LRRC4C: variants seen among roughly 807,000 people sequenced by gnomAD.
LRRC4C encodes the protein leucine-rich repeat-containing protein 4C.
A neutral mutation model predicts 33.6 loss-of-function variants in LRRC4C; 5 were observed. That is an observed-to-expected ratio of 0.15 (90% confidence interval 0.08 to 0.31). The LOEUF (loss-of-function observed/expected upper bound fraction) is 0.31, where lower values mean the gene tolerates loss of function less well. Among genes scored for constraint, LRRC4C ranks in the 10% least tolerant of loss-of-function variants. The probability of loss-of-function intolerance (pLI) is 1.00; values close to 1 mark genes in which losing one functional copy is unlikely to be tolerated. For missense variants in LRRC4C, 560 were observed against 796.7 expected, an observed-to-expected ratio of 0.70 and a Z score of 3.58; for synonymous variants, 329 against 302.0, an observed-to-expected ratio of 1.09 and a Z score of -0.93.
In LRRC4C at chr11:40,391,731, A is replaced by C. The variant is rs568271508; in HGVS notation, c.-269-72010T>G. Among the ~76,000 whole-genome samples the C allele has an allele frequency of 2.0e-5, 3 of 152,312 alleles. No individual in the cohort carries two copies. In the East Asian group the frequency reaches 5.8e-4, roughly 29 times the overall value. On this transcript the variant is annotated intron_variant, in intron 3 of 6. Coordinates refer to ENST00000528697, the MANE Select transcript of LRRC4C (RefSeq NM_001258419.2). ...GTTGATAAGTATTGTATTCAAAGTGACAAAACCACACACTGCATATTAGCA... is the reference window on the plus strand; with the variant it reads ...GTTGATAAGTATTGTATTCAAAGTGCCAAAACCACACACTGCATATTAGCA...
chr11:40,613,482 G>A (rs1442991303), intron 3 of LRRC4C, among the ~76,000 whole-genome samples: 1 of 151,704 alleles, frequency 6.6e-6, no homozygotes, highest in East Asian at 1.9e-4. Flanking sequence ...TTCCAACTCT[G>A]GTTCTCCTGC....
chr11:40,315,595 A>G (rs1945536387), intron 4 of LRRC4C, among the ~76,000 whole-genome samples: 1 of 151,994 alleles, frequency 6.6e-6, no homozygotes, highest in Non-Finnish European at 1.5e-5. Context: ...GTGTTTCATT[A>G]TATCAATAAA....
intron 3 of LRRC4C, among the ~76,000 whole-genome samples, chr11:40,355,252 T>C (rs1481535961): frequency 6.6e-6 from 1 of 152,148 alleles, no homozygotes; most frequent in Non-Finnish European, 1.5e-5. Flanking sequence ...TGAAGAAGTC[T>C]TTCCTGGAGC....
chr11:40,225,326 A>C (rs1864708291), intron 5 of LRRC4C, among the ~76,000 whole-genome samples: 1 of 152,242 alleles, frequency 6.6e-6, no homozygotes, highest in African/African-American at 2.4e-5. Context: ...TTAAAAAAAT[A>C]AAACATTTAA....
At chr11:40,731,287 C>G (rs1947571208) in intron 2 of LRRC4C, among the ~76,000 whole-genome samples, 1 of 151,984 alleles carries the variant, frequency 6.6e-6, no homozygotes. Context: ...CCACTGCACT[C>G]CAGCCTGGGC....
At chr11:40,532,131 A>G (rs950531233) in intron 3 of LRRC4C, among the ~76,000 whole-genome samples, 1 of 151,144 alleles carries the variant, frequency 6.6e-6, no homozygotes. Context: ...AAGTTTTGGA[A>G]TTTGCCAGAG....
intron 1 of LRRC4C, among the ~76,000 whole-genome samples, chr11:41,318,640 T>G (rs887847631): frequency 6.6e-6 from 1 of 152,234 alleles, no homozygotes; most frequent in African/African-American, 2.4e-5. Context: ...CTGGTGACCT[T>G]CCCTTGAACA....
chr11:41,144,163 C>G (rs1943631341), intron 1 of LRRC4C, among the ~76,000 whole-genome samples: 1 of 152,044 alleles, frequency 6.6e-6, no homozygotes, highest in Admixed American at 6.6e-5. Flanking sequence ...AACCATAAAC[C>G]AGGGCAGCTC....
chr11:40,681,725 C>A (rs1437041187), intron 2 of LRRC4C, among the ~76,000 whole-genome samples: 1 of 152,000 alleles, frequency 6.6e-6, no homozygotes, highest in Non-Finnish European at 1.5e-5. Context: ...CATGGTGAAA[C>A]CCCGTCTCTA....
intron 5 of LRRC4C, among the ~76,000 whole-genome samples, chr11:40,167,205 T>TACATACAA (rs1859667324): frequency 6.6e-6 from 1 of 152,148 alleles, no homozygotes; most frequent in African/African-American, 2.4e-5. Flanking sequence ...AAGCTTAGGT[T>TACATACAA]GTCCAAAATT....
At chr11:40,882,558 T>C (rs1463003519) in intron 2 of LRRC4C, among the ~76,000 whole-genome samples, 1 of 152,060 alleles carries the variant, frequency 6.6e-6, no homozygotes, top group South Asian at 2.1e-4. Context: ...ATACTATTCC[T>C]TCACTTCTTG....
intron 2 of LRRC4C, among the ~76,000 whole-genome samples, chr11:40,800,695 AC>A (rs1218481717): frequency 1.3e-5 from 2 of 152,056 alleles, no homozygotes; most frequent in African/African-American, 2.4e-5. Context: ...TTGCCACTAT[AC>A]CACACTGAAT....
rs567131564 is a variant in LRRC4C, at chr11:40,668,053, C to A, written c.-406-19775G>T. 7.2e-5 allele frequency among the ~76,000 whole-genome samples: 11 copies of A among 152,250 alleles called. No individual in the cohort carries two copies. The South Asian group carries it at 2.3e-3, about 32-fold the overall frequency. Reference sequence around the variant, plus strand: ...ACTTTTTGAAAAAACATAGGTCAGGCCCCCACTGTGAATAAATTGAATAAT... The same window carrying A: ...ACTTTTTGAAAAAACATAGGTCAGGACCCCACTGTGAATAAATTGAATAAT... On this transcript the variant is annotated intron_variant, in intron 2 of 6. Coordinates refer to ENST00000528697, the MANE Select transcript of LRRC4C (RefSeq NM_001258419.2).
At chr11:40,402,515 A>T (rs1381310285) in intron 3 of LRRC4C, among the ~76,000 whole-genome samples, 1 of 152,080 alleles carries the variant, frequency 6.6e-6, no homozygotes, top group Non-Finnish European at 1.5e-5. Flanking sequence ...CCAGCTATTC[A>T]TTTTCCCAAC....
chr11:40,728,244 T>G (rs995809951), intron 2 of LRRC4C, among the ~76,000 whole-genome samples: 25 of 152,012 alleles, frequency 1.6e-4, no homozygotes, highest in Admixed American at 3.3e-4. Flanking sequence ...TGGAGGTTTC[T>G]CAAAGAATTA....
At chr11:40,488,352 T>C (rs1953975212) in intron 3 of LRRC4C, among the ~76,000 whole-genome samples, 2 of 152,114 alleles carry the variant, frequency 1.3e-5, no homozygotes, top group Admixed American at 6.6e-5. Context: ...TTGTAACTTA[T>C]AGAGCAGAGT....
intron 3 of LRRC4C, among the ~76,000 whole-genome samples, chr11:40,593,419 T>A (rs1959147931): frequency 6.6e-6 from 1 of 152,186 alleles, no homozygotes; most frequent in Admixed American, 6.5e-5. Context: ...GATACACAAT[T>A]ATCAATTATA....
At chr11:40,794,468 T>C (rs1270647550) in intron 2 of LRRC4C, among the ~76,000 whole-genome samples, 6 of 150,148 alleles carry the variant, frequency 4.0e-5, no homozygotes, top group African/African-American at 1.2e-4. Flanking sequence ...GGAGATATAC[T>C]AGCCATCAAA....
intron 1 of LRRC4C, among the ~76,000 whole-genome samples, chr11:41,048,013 G>A (rs1907968): frequency 0.5 from 75,525 of 151,930 alleles, 19,618 homozygotes; most frequent in South Asian, 0.7. Flanking sequence ...ATTTTGCTCT[G>A]AACTTTATAC....
Sources: gnomAD v4.1 joint callset for allele counts (sites outside exome capture counted in the v4.1 genomes callset) on GRCh38, gnomAD v4.1.1 for gene constraint, MANE v1.5 for transcripts, NCBI Gene and HGNC (gene_info 2026-07-23, HGNC 2026-07-21) for gene names.